Variants in MROH2B observed in about 807,000 individuals in gnomAD.
MROH2B encodes the protein maestro heat like repeat family member 2B, also known as maestro heat-like repeat-containing protein family member 2B.
In MROH2B, 177 loss-of-function variants were observed where a neutral mutation model predicts 208.6. The ratio of observed to expected loss-of-function variants is 0.85; its 90% CI spans 0.75 to 0.96. The LOEUF is 0.96. Ranked by LOEUF, MROH2B falls within the 40% of genes least tolerant of loss-of-function variation. The pLI, the probability that MROH2B is intolerant of heterozygous loss-of-function variation, is 0.00. For missense variants in MROH2B, 2,002 were observed against 1,878.7 expected (o/e 1.07, Z -1.21); for synonymous variants, 728 against 659.0 (o/e 1.10, Z -1.60).
chr5:41,065,459 T>A lies in MROH2B; in HGVS notation c.233A>T (p.Glu78Val). 6.2e-7 allele frequency: 1 copy of A among 1,612,770 alleles called. No individual in the cohort carries two copies. The highest frequency in any genetic ancestry group is 8.5e-7 in the Non-Finnish European group (1 of 1,179,430). The change falls in exon 4 of 42, where the codon GAG becomes GTG. Residue 78 changes from glutamate (E) to valine (V), a missense_variant. Physicochemically the swap from Glu to Val is moderately radical, Grantham distance 121. Transcript: ENST00000399564. ...MLREIRMLAG[E>V]VLVSLAAHDF... Reference sequence around the variant, plus strand: ...ATGTGCAGCAAGAGACACCAAAACCTCACCAGCTAGCATTCTGATTTCTCT... The same window carrying A: ...ATGTGCAGCAAGAGACACCAAAACCACACCAGCTAGCATTCTGATTTCTCT...
chr5:41,018,477 C>T (rs369732215), intron 26 of MROH2B, 47 bp from the exon 27 acceptor site: 5 of 1,564,486 alleles, frequency 3.2e-6, no homozygotes, highest in African/African-American at 1.4e-5. Context: ...TCTTCATATT[C>T]ATCTAGTTTC....
In MROH2B at chr5:41,000,205, C is replaced by G; in HGVS notation, c.4482+15G>C. 6.2e-7 allele frequency: 1 copy of G among 1,612,936 alleles called. No individual in the cohort carries two copies. Among genetic ancestry groups the G allele is most frequent in the Non-Finnish European group, 8.5e-7 (1 of 1,179,548 alleles). On this transcript the variant is annotated intron_variant, in intron 39 of 41. Transcript: ENST00000399564. ...GTCCTGCCTTTTTTGGAGGCGGCAT[C>G]TATTGGACACTCACCAGTTTCACAC... is the stretch of plus-strand genomic sequence containing the variant.
intron 18 of MROH2B, among the ~76,000 whole-genome samples, chr5:41,042,454 A>AT (rs1368319911): frequency 1.3e-5 from 2 of 151,698 alleles, no homozygotes; most frequent in East Asian, 3.9e-4. Context: ...CCCCATTGTA[A>AT]TTTTTTATTT....
At chr5:40,998,712 T>A (rs2876850) in intron 40 of MROH2B, 35 bp from the exon 41 acceptor site, 599,187 of 1,525,282 alleles carry the variant, frequency 0.39, 119,439 homozygotes, top group Non-Finnish European at 0.41. Flanking sequence ...ACTGATTTCA[T>A]TATAGAGGAA....
At chr5:41,016,633 C>A (rs1741963790) in intron 28 of MROH2B, among the ~76,000 whole-genome samples, 1 of 151,074 alleles carries the variant, frequency 6.6e-6, no homozygotes, top group Non-Finnish European at 1.5e-5. Context: ...CATCCACCAC[C>A]ACTCCTGGCT....
intron 28 of MROH2B, among the ~76,000 whole-genome samples, chr5:41,015,788 AG>A (rs1427344665): frequency 1.3e-5 from 2 of 152,208 alleles, no homozygotes; most frequent in Admixed American, 1.3e-4. Flanking sequence ...TAAAAATAGG[AG>A]AGTCTGAATT....
Position 41,018,485 on chromosome 5 carries a change from T to A in MROH2B, c.2674-55A>T. 1.9e-6 allele frequency: 3 copies of A among 1,559,926 alleles called. No individual in the cohort carries two copies. The South Asian group carries it at 3.5e-5, about 18-fold the overall frequency. Reference sequence around the variant, plus strand: ...TTAGTATTCTTCATATTCATCTAGTTTCATATTCTCTTTTTCTGTCTCTGC... The same window carrying A: ...TTAGTATTCTTCATATTCATCTAGTATCATATTCTCTTTTTCTGTCTCTGC... On this transcript the variant is annotated intron_variant, in intron 26 of 41. Coordinates refer to ENST00000399564, the MANE Select transcript of MROH2B (RefSeq NM_173489.5).
At chr5:41,048,109 A>G (rs1165011492) in intron 16 of MROH2B, 1 of 520,964 alleles carries the variant, frequency 1.9e-6, no homozygotes, top group Non-Finnish European at 3.2e-6. Flanking sequence ...AATTCCTGCT[A>G]AGAATGTTAC....
rs548304033 is a variant in MROH2B at position 41,005,382 on chromosome 5, A to G, written c.3864+149T>C. ...CTCACCCCCTGCTTAGGTACCATAT[A>G]TCTGGCAGTAGCTGGTCTCTCCTCT... On this transcript the variant is annotated intron_variant, in intron 35 of 41. Transcript: ENST00000399564. 2.1e-5 allele frequency: 12 copies of G among 579,820 alleles called. No homozygotes were observed. The African/African-American group carries it at 2.4e-4, about 11-fold the overall frequency. The allele number at this position is 579,820 out of a possible 1,614,324, so 35.9% of individuals were successfully genotyped here. A position where few individuals can be genotyped will look rare whatever the true frequency, so the allele number is the denominator to read the frequency against.
In MROH2B at chr5:41,009,361, G is replaced by A; in HGVS notation, c.3339C>T (p.Ser1113=). The change falls in exon 32 of 42, where the codon TCC becomes TCT. Residue 1113 remains serine, a synonymous_variant. Coordinates refer to ENST00000399564, the MANE Select transcript of MROH2B (RefSeq NM_173489.5). ...LWKALAEKPA[S]SGKLLQALID... is the part of the protein sequence containing the mutation. Reference sequence around the variant, plus strand: ...TTAAGGCTTGCAAGAGTTTCCCACTGGAGGCTGGCTTTTCAGCCAGCGCCT... The same window carrying A: ...TTAAGGCTTGCAAGAGTTTCCCACTAGAGGCTGGCTTTTCAGCCAGCGCCT... 4 of 1,613,898 alleles carry A rather than the reference G, an allele frequency of 2.5e-6. No individual in the cohort carries two copies. The highest frequency in any genetic ancestry group is 3.4e-6 in the Non-Finnish European group (4 of 1,179,806).
chr5:41,000,353 T>C lies in MROH2B; in HGVS notation c.4351-2A>G. 6.2e-7 allele frequency: 1 copy of C among 1,612,612 alleles called. No individual in the cohort carries two copies. The highest frequency in any genetic ancestry group is 8.5e-7 in the Non-Finnish European group (1 of 1,179,474). On this transcript the variant is annotated splice_acceptor_variant, in intron 38 of 41. Transcript: ENST00000399564. LOFTEE classifies it high-confidence loss of function. Reference sequence around the variant, plus strand: ...GACCATCAAGACATCACGGCAAGCCTGGAAAACAGAGTTTTCTGCATCACA... The same window carrying C: ...GACCATCAAGACATCACGGCAAGCCCGGAAAACAGAGTTTTCTGCATCACA...
chr5:41,019,094 G>T lies in MROH2B; in HGVS notation c.2442-76C>A, dbSNP rs1047583471. 19 of 1,567,436 alleles carry T rather than the reference G, an allele frequency of 1.2e-5. 1 individual carries two copies. In the African/African-American group the frequency reaches 2.4e-4, roughly 20 times the overall value. On this transcript the variant is annotated intron_variant, in intron 24 of 41. Transcript: ENST00000399564. The stretch of plus-strand genomic sequence containing the variant: ...ATACCCAGTGGAATTCCCAAGAACT[G>T]CCAATCACATCTGACCAGGCAACTA...
chr5:41,028,389 AT>A (rs1742453417), intron 24 of MROH2B, among the ~76,000 whole-genome samples: 1 of 152,190 alleles, frequency 6.6e-6, no homozygotes, highest in African/African-American at 2.4e-5. Context: ...TAGGTTGTAC[AT>A]TATTAAATCT....
chr5:41,015,486 C>A lies in MROH2B; in HGVS notation c.2885-8G>T, dbSNP rs761242343. The stretch of plus-strand genomic sequence containing the variant: ...CCACTTCCAAGTGAATGCCTAAAAT[C>A]AACAAAGTGAGAAATGTTTAAGTGT... On this transcript the variant is annotated splice_polypyrimidine_tract_variant and splice_region_variant and intron_variant, in intron 28 of 41. Coordinates refer to ENST00000399564, the MANE Select transcript of MROH2B (RefSeq NM_173489.5). 2 of 1,612,744 alleles carry A rather than the reference C, an allele frequency of 1.2e-6. No individual in the cohort carries two copies. The highest frequency in any genetic ancestry group is 2.2e-5 in the South Asian group (2 of 90,908).
At position 41,017,544 on chromosome 5, in the gene MROH2B, T is replaced by C. The variant is rs200084431; in HGVS notation, c.2884+306A>G. 5.9e-5 allele frequency among the ~76,000 whole-genome samples: 9 copies of C among 152,098 alleles called. No homozygotes were observed. The East Asian group carries it at 1.4e-3, about 23-fold the overall frequency. On this transcript the variant is annotated intron_variant, in intron 28 of 41. Coordinates refer to ENST00000399564, the MANE Select transcript of MROH2B (RefSeq NM_173489.5). ...GTGTTATTATCTCTATTTTAAAAAA[T>C]GAGAAAAACAGAGCCACTGAGGAAA...
chr5:41,033,332 T>C (rs562338022), intron 22 of MROH2B, among the ~76,000 whole-genome samples, 172 bp from the exon 23 acceptor site: 1 of 152,148 alleles, frequency 6.6e-6, no homozygotes, highest in African/African-American at 2.4e-5. Flanking sequence ...GAGAAACAAA[T>C]GCCATTTTTC....
chr5:41,010,423 G>C (rs1195668352), intron 30 of MROH2B, among the ~76,000 whole-genome samples: 1 of 152,134 alleles, frequency 6.6e-6, no homozygotes, highest in African/African-American at 2.4e-5. Flanking sequence ...CTGTAGTCAA[G>C]GCAGTCTATG....
At chr5:41,000,920 C>G in intron 37 of MROH2B, 87 bp from the exon 38 acceptor site, 7 of 1,434,002 alleles carry the variant, frequency 4.9e-6, no homozygotes, top group Non-Finnish European at 6.5e-6. Flanking sequence ...CCACCCTTCC[C>G]GCTTCAGCAA....
chr5:41,032,814 A>G lies in MROH2B; in HGVS notation c.2369T>C (p.Ile790Thr), dbSNP rs1297375597. ...EMLIGYMLDF[I>T]RDEPLDSLAS... ...TAAGGAATCCAGGGGCTCGTCTCTA[A>G]TGAAGTCCTGAAACATAAATAAGGA... Residue 790 changes from isoleucine (I) to threonine (T), a missense_variant, in exon 24 of 42, where the codon ATT becomes ACT. By Grantham distance (89) the Ile-to-Thr change is moderately conservative. Coordinates refer to ENST00000399564, the MANE Select transcript of MROH2B (RefSeq NM_173489.5). The G allele has an allele frequency of 6.2e-7, 1 of 1,611,574 alleles. No homozygotes were observed. Among genetic ancestry groups the G allele is most frequent in the East Asian group, 2.2e-5 (1 of 44,874 alleles).
Sources: allele counts gnomAD v4.1 joint callset (sites outside exome capture counted in the v4.1 genomes callset), GRCh38; gene constraint gnomAD v4.1.1; transcripts MANE v1.5; gene names NCBI Gene and HGNC (gene_info 2026-07-23, HGNC 2026-07-21).